Variants in F12 observed in about 807,000 individuals in gnomAD.
F12 encodes the protein coagulation factor XII, also known as Hageman factor.
A neutral mutation model predicts 74.8 loss-of-function variants in F12; 70 were observed. The ratio of observed to expected loss-of-function variants is 0.94; its 90% CI spans 0.77 to 1.14. F12 has a LOEUF of 1.14. F12 is among the 50% of genes most tolerant of loss of function. The pLI, the probability that F12 is intolerant of heterozygous loss-of-function variation, is 0.00. For missense variants in F12, 811 were observed against 835.7 expected (o/e 0.97, Z 0.36); for synonymous variants, 373 against 356.4 (o/e 1.05, Z -0.52).
chr5:177,407,559 C>T (rs1283511095), intron 2 of F12, among the ~76,000 whole-genome samples: 2 of 152,120 alleles, frequency 1.3e-5, no homozygotes, highest in South Asian at 2.1e-4. Flanking sequence ...CTAAGGTGGG[C>T]GGACCACCTG....
At chr5:177,409,186 A>T in intron 1 of F12, 83 bp from the exon 2 acceptor site, 1 of 1,394,570 alleles carries the variant, frequency 7.2e-7, no homozygotes, top group South Asian at 1.2e-5. Context: ...GCTTCCTCTC[A>T]CAGCCCAGAA....
rs760737106 is a variant in F12 at position 177,402,553 on chromosome 5, G to A, written c.1677C>T (p.Cys559=). The A allele has an allele frequency of 1.9e-6, 3 of 1,610,676 alleles. No individual in the cohort carries two copies. The highest frequency in any genetic ancestry group is 2.2e-5 in the East Asian group (1 of 44,760). Reference sequence around the variant, plus strand: ...GCCAACCGGGCTAAGAGCTCACCTGGCACGCATCGGTGCCGCCCTCGAGGA... The same window carrying A: ...GCCAACCGGGCTAAGAGCTCACCTGACACGCATCGGTGCCGCCCTCGAGGA... ...AGFLEGGTDA[C]QGDSGGPLVC... Residue 559 remains cysteine, a synonymous_variant, in exon 13 of 14, where the codon TGC becomes TGT. Coordinates refer to ENST00000253496, the MANE Select transcript of F12 (RefSeq NM_000505.4).
rs1763239123 is a variant in F12 at position 177,404,627 on chromosome 5, G to T, written c.672C>A (p.Ser224Arg). Residue 224 changes from serine to arginine, a missense_variant, in exon 8 of 14, where the codon AGC (serine) becomes AGA (arginine). Physicochemically the swap from Ser to Arg is moderately radical, Grantham distance 110. Coordinates refer to ENST00000253496, the MANE Select transcript of F12 (RefSeq NM_000505.4). ...KASCYDGRGL[S>R]YRGLARTTLS... ...GCGTGGTCCTGGCCAGGCCGCGGTAGCTGAGCCCGCGGCCATCATAGCAGC... is the reference window on the plus strand; with the variant it reads ...GCGTGGTCCTGGCCAGGCCGCGGTATCTGAGCCCGCGGCCATCATAGCAGC... 6.2e-7 allele frequency: 1 copy of T among 1,607,060 alleles called. No homozygotes were observed. Among genetic ancestry groups the T allele is most frequent in the Non-Finnish European group, 8.5e-7 (1 of 1,179,734 alleles).
intron 8 of F12, 22 bp downstream of exon 8, chr5:177,404,477 C>G (rs1363515277): frequency 6.3e-7 from 1 of 1,590,636 alleles, no homozygotes; most frequent in East Asian, 2.3e-5. Context: ...GCGGAGGGGT[C>G]ACCCAGCCCC....
rs1763150816 is a variant in F12, at chr5:177,402,282, C to T, written c.*10G>A. The T allele has an allele frequency of 6.2e-7, 1 of 1,613,412 alleles. No individual in the cohort carries two copies. The highest frequency in any genetic ancestry group is 2.2e-5 in the East Asian group (1 of 44,866). On this transcript the variant is annotated 3_prime_UTR_variant, in exon 14 of 14. Coordinates refer to ENST00000253496, the MANE Select transcript of F12 (RefSeq NM_000505.4). The stretch of plus-strand genomic sequence containing the variant: ...AATCACCAAGGAGGGAAAGATGAGT[C>T]CCTGAGCAATCAGGAAACGGTGTGC...
rs761843514 is a variant in F12, at chr5:177,404,667, G to A, written c.635-3C>T. On this transcript the variant is annotated splice_region_variant and splice_polypyrimidine_tract_variant and intron_variant, in intron 7 of 13. Transcript: ENST00000253496. ...ATCATAGCAGCTTGCCTTGGTGTCTGAGGAGAAAGGGGGCTCCCTGGGCAG... is the reference window on the plus strand; with the variant it reads ...ATCATAGCAGCTTGCCTTGGTGTCTAAGGAGAAAGGGGGCTCCCTGGGCAG... The A allele has an allele frequency of 2.5e-6, 4 of 1,606,562 alleles. No homozygotes were observed. In the East Asian group the frequency reaches 8.9e-5, roughly 36 times the overall value.
intron 3 of F12, 68 bp downstream of exon 3, chr5:177,405,894 T>A: frequency 1.2e-6 from 2 of 1,602,466 alleles, no homozygotes; most frequent in Non-Finnish European, 1.7e-6. Flanking sequence ...GCAGAGTTCC[T>A]TGGACAGAAG....
intron 1 of F12, 77 bp from the exon 2 acceptor site, chr5:177,409,180 C>T: frequency 7.1e-7 from 1 of 1,400,318 alleles, no homozygotes; most frequent in Non-Finnish European, 9.9e-7. Flanking sequence ...TCTGCAGCTT[C>T]CTCTCACAGC....
At chr5:177,406,299 T>G (rs546708484) in intron 2 of F12, among the ~76,000 whole-genome samples, 1 of 152,148 alleles carries the variant, frequency 6.6e-6, no homozygotes, top group East Asian at 1.9e-4. Context: ...CCATCCTGGC[T>G]AATACAGTGA....
At chr5:177,406,663 C>T (rs1269968864) in intron 2 of F12, among the ~76,000 whole-genome samples, 1 of 152,160 alleles carries the variant, frequency 6.6e-6, no homozygotes, top group Non-Finnish European at 1.5e-5. Flanking sequence ...CACTGTTAAC[C>T]ACTCTGATCT....
At position 177,405,946 on chromosome 5, in the gene F12, C is replaced by G. The variant is rs1464731795; in HGVS notation, c.215+16G>C. On this transcript the variant is annotated intron_variant, in intron 3 of 13. Transcript: ENST00000253496. ...GTCTCCCAGGCCCCTGCTCCAACTC[C>G]TCTGCGTAGTCTTACCAGGGCTGAG... 6.2e-7 allele frequency: 1 copy of G among 1,612,880 alleles called. No individual in the cohort carries two copies.
chr5:177,404,309 G>A lies in F12; in HGVS notation c.905C>T (p.Ala302Val), dbSNP rs1450452418. Residue 302 changes from alanine to valine, a missense_variant, in exon 9 of 14, where the codon GCG becomes GTG. Transcript: ENST00000253496. Reference protein sequence around the residue: ...LAQCQTPTQAAPPTPVSPRLH... With the variant: ...LAQCQTPTQAVPPTPVSPRLH... The stretch of plus-strand genomic sequence containing the variant: ...CCTAGGGGACACCGGGGTCGGAGGC[G>A]CCGCCTGGGTTGGGGTCTGGCACTG... 1 of 1,601,432 alleles carries A rather than the reference G, an allele frequency of 6.2e-7. No individual in the cohort carries two copies. Among genetic ancestry groups the A allele is most frequent in the Admixed American group, 1.7e-5 (1 of 58,322 alleles).
intron 2 of F12, among the ~76,000 whole-genome samples, chr5:177,407,652 G>A (rs1450713001): frequency 6.6e-6 from 1 of 152,132 alleles, no homozygotes; most frequent in Non-Finnish European, 1.5e-5. Context: ...TGAGCATGAA[G>A]TTGTGTGCCT....
intron 2 of F12, 89 bp from the exon 3 acceptor site, chr5:177,406,150 C>A (rs1763284867): frequency 2.4e-6 from 3 of 1,258,146 alleles, no homozygotes; most frequent in Non-Finnish European, 3.5e-6. Context: ...AAAGGACAGA[C>A]CCTCAAAAAG....
chr5:177,402,297 A>C lies in F12; in HGVS notation c.1843T>G (p.Ser615Ala), dbSNP rs781621921. 5.6e-6 allele frequency: 9 copies of C among 1,613,732 alleles called. No homozygotes were observed. The highest frequency in any genetic ancestry group is 1.6e-4 in the Middle Eastern group (1 of 6,062). ...YLAWIREHTV[S>A] ...AAAGATGAGTCCCTGAGCAATCAGG[A>C]AACGGTGTGCTCCCGGATCCAGGCC... The change falls in exon 14 of 14, where the codon TCC becomes GCC. Residue 615 changes from serine (S) to alanine (A), a missense_variant. Coordinates refer to ENST00000253496, the MANE Select transcript of F12 (RefSeq NM_000505.4).
rs1763233426 is a variant in F12 at position 177,404,485 on chromosome 5, C to CCT, written c.800+13_800+14insAG. ...CCCTGGGGCGGAGGGGTCACCCAGC[C>CCT]CCACGCGGCGCACCGGCAGAAGGCG... On this transcript the variant is annotated intron_variant, in intron 8 of 13. Transcript: ENST00000253496. 1 of 1,590,960 alleles carries CCT rather than the reference C, an allele frequency of 6.3e-7. No homozygotes were observed. The highest frequency in any genetic ancestry group is 8.6e-7 in the Non-Finnish European group (1 of 1,169,236).
rs766755922 is a variant in F12 at position 177,404,325 on chromosome 5, T to A, written c.889A>T (p.Thr297Ser). 2 of 1,609,590 alleles carry A rather than the reference T, an allele frequency of 1.2e-6. No homozygotes were observed. The highest frequency in any genetic ancestry group is 1.7e-6 in the Non-Finnish European group (2 of 1,178,342). The part of the protein sequence containing the change: ...WEYCDLAQCQ[T>S]PTQAAPPTPV... ...GTCGGAGGCGCCGCCTGGGTTGGGGTCTGGCACTGTGCCAGGTCGCAGTAC... is the reference window on the plus strand; with the variant it reads ...GTCGGAGGCGCCGCCTGGGTTGGGGACTGGCACTGTGCCAGGTCGCAGTAC... The change falls in exon 9 of 14, where the codon ACC (threonine) becomes TCC (serine). Residue 297 changes from threonine (T) to serine (S), a missense_variant. By Grantham distance (58) the Thr-to-Ser change is moderately conservative. Transcript: ENST00000253496.
In F12 at chr5:177,402,141, T is replaced by C; in HGVS notation, c.*151A>G. 9.8e-7 allele frequency: 1 copy of C among 1,016,702 alleles called. No individual in the cohort carries two copies. The highest frequency in any genetic ancestry group is 2.6e-5 in the East Asian group (1 of 38,312). 63.0% of individuals were successfully genotyped at this position (1,016,702 alleles called of 1,614,324 possible). On this transcript the variant is annotated 3_prime_UTR_variant, in exon 14 of 14. Transcript: ENST00000253496. ...CCCATGAAGAAAAGAGCTTTCCTTCTCAGCATTTTCAAAGCACTTTATTGA... is the reference window on the plus strand; with the variant it reads ...CCCATGAAGAAAAGAGCTTTCCTTCCCAGCATTTTCAAAGCACTTTATTGA...
chr5:177,404,956 C>G (rs1223927822), intron 6 of F12, 42 bp from the exon 7 acceptor site: 23 of 1,583,690 alleles, frequency 1.5e-5, no homozygotes, highest in Non-Finnish European at 1.9e-5. Flanking sequence ...GGCCTAAAGA[C>G]CCCCCCAGAG....
Sources: allele counts gnomAD v4.1 joint callset (sites outside exome capture counted in the v4.1 genomes callset), GRCh38; gene constraint gnomAD v4.1.1; transcripts MANE v1.5; gene names NCBI Gene and HGNC (gene_info 2026-07-23, HGNC 2026-07-21).